The following SRL variants were observed in gnomAD, a reference collection of about 807,000 sequenced individuals.
The protein encoded by SRL is sarcalumenin.
SRL carries 23 observed loss-of-function variants against 39.5 expected under a neutral mutation model. The ratio of observed to expected loss-of-function variants is 0.58; its 90% CI spans 0.42 to 0.82. The LOEUF (loss-of-function observed/expected upper bound fraction) is 0.82. SRL is among the 40% of genes least tolerant of loss of function. The pLI is 0.00. For missense variants in SRL, 592 were observed against 607.8 expected (o/e 0.97, Z 0.27); for synonymous variants, 272 against 237.4 (o/e 1.15, Z -1.34).
At chr16:4,211,387 C>T (rs904752768) in intron 1 of SRL, among the ~76,000 whole-genome samples, 1 of 152,214 alleles carries the variant, frequency 6.6e-6, no homozygotes, top group African/African-American at 2.4e-5. Context: ...GGAATCCAGC[C>T]CTTTCCATGG....
rs189966100 is a variant in SRL, at chr16:4,239,378, A to G, written c.61+2629T>C. 9.3e-4 allele frequency among the ~76,000 whole-genome samples: 142 copies of G among 152,330 alleles called. 3 individuals carry two copies. In the East Asian group the frequency reaches 0.024, roughly 26 times the overall value. On this transcript the variant is annotated intron_variant, in intron 1 of 5. Coordinates refer to ENST00000399609, the MANE Select transcript of SRL (RefSeq NM_001098814.2). The stretch of plus-strand genomic sequence containing the variant: ...TGAAGCTAGGGCTGGAGGTGGAGGA[A>G]GGATGAGATGGACAGGAATCCCCAG...
At chr16:4,207,167 C>T (rs757920125) in intron 1 of SRL, 2 of 456,918 alleles carry the variant, frequency 4.4e-6, no homozygotes, top group Non-Finnish European at 8.8e-6. Flanking sequence ...CGCCGCTGTC[C>T]TCTTCGGACT....
intron 1 of SRL, among the ~76,000 whole-genome samples, chr16:4,228,697 T>G (rs921977954): frequency 6.0e-5 from 9 of 150,954 alleles, no homozygotes; most frequent in African/African-American, 2.2e-4. Flanking sequence ...ATCATGCCAC[T>G]GCACTCCAGC....
At chr16:4,238,025 T>C (rs571925491) in intron 1 of SRL, among the ~76,000 whole-genome samples, 3 of 152,286 alleles carry the variant, frequency 2.0e-5, no homozygotes, top group Non-Finnish European at 2.9e-5. Context: ...CCTGTCTCAA[T>C]TCCCCTAGTA....
chr16:4,192,114 G>A lies in SRL; in HGVS notation c.*39C>T. On this transcript the variant is annotated 3_prime_UTR_variant, in exon 6 of 6. Coordinates refer to ENST00000399609, the MANE Select transcript of SRL (RefSeq NM_001098814.2). This position sits in a 1 kb window ranked among gnomAD's most constrained non-coding sequence, Gnocchi z 4.0. ...GACCTCTCAGACAGTTAGGACACAAGCTGATTCACCAACAGGAACCCAAGG... is the reference window on the plus strand; with the variant it reads ...GACCTCTCAGACAGTTAGGACACAAACTGATTCACCAACAGGAACCCAAGG... 6.6e-7 allele frequency: 1 copy of A among 1,519,224 alleles called. No individual in the cohort carries two copies. The allele number at this position is 1,519,224 out of a possible 1,614,324, so 94.1% of individuals were successfully genotyped here.
rs141478418 is a variant in SRL at position 4,241,963 on chromosome 16, G to A, written c.61+44C>T. 2.4e-4 allele frequency: 385 copies of A among 1,609,198 alleles called. No homozygotes were observed. In the African/African-American group the frequency reaches 3.8e-3, roughly 16 times the overall value. On this transcript the variant is annotated intron_variant, in intron 1 of 5. Transcript: ENST00000399609. ...GTAGACAGAAAACCTTGGAGGAAGC[G>A]TGGGGGACCAGTCTGGGCTGGGTCA... is the stretch of plus-strand genomic sequence containing the variant.
intron 1 of SRL, chr16:4,207,701 T>C: frequency 4.8e-6 from 2 of 413,006 alleles, no homozygotes; most frequent in South Asian, 1.8e-5. Context: ...TCTCCTCCTC[T>C]CCTTGTCCCT....
At chr16:4,220,246 T>C (rs1414900409) in intron 1 of SRL, among the ~76,000 whole-genome samples, 1 of 149,076 alleles carries the variant, frequency 6.7e-6, no homozygotes, top group Non-Finnish European at 1.5e-5. Flanking sequence ...GAGACCAGCC[T>C]GGCCAACATA....
chr16:4,232,588 G>A (rs562209471), intron 1 of SRL, among the ~76,000 whole-genome samples: 2 of 151,726 alleles, frequency 1.3e-5, no homozygotes, highest in South Asian at 2.1e-4. Context: ...ACAGTTCACC[G>A]CAGCCATGAC....
chr16:4,230,870 G>T (rs911276313), intron 1 of SRL, among the ~76,000 whole-genome samples: 1 of 152,176 alleles, frequency 6.6e-6, no homozygotes, highest in Non-Finnish European at 1.5e-5. Flanking sequence ...GTGCAGTGAT[G>T]AAGCTACCAC....
intron 1 of SRL, among the ~76,000 whole-genome samples, chr16:4,206,465 G>A (rs1045100208): frequency 4.6e-5 from 7 of 152,252 alleles, no homozygotes; most frequent in Admixed American, 3.9e-4. Flanking sequence ...CATGGGCTAC[G>A]GCGCATCAGG....
In SRL at chr16:4,197,825, T is replaced by C. The variant is rs199810281; in HGVS notation, c.350A>G (p.Glu117Gly). Reference sequence around the variant, plus strand: ...TGTATAGAGCTGATAGCGAGTATTTTCCAGCCCAAGGAGGTAGTTTATCAT... The same window carrying C: ...TGTATAGAGCTGATAGCGAGTATTTCCCAGCCCAAGGAGGTAGTTTATCAT... ...STMINYLLGL[E>G]NTRYQLYTGA... The change falls in exon 4 of 6, where the codon GAA becomes GGA. Residue 117 changes from glutamate (E) to glycine (G), a missense_variant. Physicochemically the swap from Glu to Gly is moderately conservative, Grantham distance 98. Transcript: ENST00000399609. 3 of 1,612,674 alleles carry C rather than the reference T, an allele frequency of 1.9e-6. No homozygotes were observed. Among genetic ancestry groups the C allele is most frequent in the Non-Finnish European group, 2.5e-6 (3 of 1,178,638 alleles).
intron 1 of SRL, among the ~76,000 whole-genome samples, chr16:4,216,864 T>C (rs1349668566): frequency 6.6e-6 from 1 of 152,098 alleles, no homozygotes; most frequent in African/African-American, 2.4e-5. Flanking sequence ...TCCGAAGAAA[T>C]CCAATCTCCC....
At position 4,190,100 on chromosome 16, in the gene SRL, T is replaced by A. The variant is rs2052043396; in HGVS notation, c.*2053A>T. On this transcript the variant is annotated 3_prime_UTR_variant, in exon 6 of 6. Transcript: ENST00000399609. ...GTCGACTCGTTCCTTGGAAACATTG[T>A]CCTGAGTGCCCTGGAACCTCGGGTG... The A allele has an allele frequency of 1.3e-5, 5 of 397,050 alleles. No individual in the cohort carries two copies. The highest frequency in any genetic ancestry group is 2.2e-5 in the Non-Finnish European group (5 of 225,678). 24.6% of individuals were successfully genotyped at this position (397,050 alleles called of 1,614,324 possible). A position where few individuals can be genotyped will look rare whatever the true frequency, so the allele number is the denominator to read the frequency against.
chr16:4,232,003 T>G (rs2052664368), intron 1 of SRL, among the ~76,000 whole-genome samples: 1 of 152,214 alleles, frequency 6.6e-6, no homozygotes, highest in Admixed American at 6.5e-5. Flanking sequence ...GTCAGGGACT[T>G]GGCGGCTGAT....
chr16:4,215,695 T>C (rs1159088737), intron 1 of SRL, among the ~76,000 whole-genome samples: 2 of 152,082 alleles, frequency 1.3e-5, no homozygotes, highest in Admixed American at 1.3e-4. Context: ...ATAACAACTG[T>C]TTTAGGCTGG....
chr16:4,215,406 G>A (rs898451086), intron 1 of SRL, among the ~76,000 whole-genome samples: 6 of 152,172 alleles, frequency 3.9e-5, no homozygotes, highest in African/African-American at 1.4e-4. Context: ...GTATGACAGG[G>A]TACAATGACA....
chr16:4,205,356 G>A (rs1185611042), intron 1 of SRL, among the ~76,000 whole-genome samples: 2 of 152,146 alleles, frequency 1.3e-5, no homozygotes, highest in Non-Finnish European at 2.9e-5. Context: ...TTTAGGGCTA[G>A]GTAGGAGAAT....
chr16:4,234,889 G>C (rs2052699028), intron 1 of SRL, among the ~76,000 whole-genome samples: 1 of 152,224 alleles, frequency 6.6e-6, no homozygotes, highest in Admixed American at 6.5e-5. Context: ...TAGGAACTTT[G>C]GGTGAGACCT....
Sources: gnomAD v4.1 joint callset for allele counts (sites outside exome capture counted in the v4.1 genomes callset) on GRCh38, gnomAD v4.1.1 for gene constraint, Gnocchi (gnomAD v3.1) non-coding constraint, MANE v1.5 for transcripts, NCBI Gene and HGNC (gene_info 2026-07-23, HGNC 2026-07-21) for gene names.